The following ANKS1B variants were observed in gnomAD, a reference collection of about 807,000 sequenced individuals.
ANKS1B encodes the protein ankyrin repeat and sterile alpha motif domain containing 1B.
Under a neutral mutation model 148.3 loss-of-function variants are expected in ANKS1B, and 36 were observed. The observed-to-expected ratio is 0.24, with a 90% CI of 0.19 to 0.32. The LOEUF (loss-of-function observed/expected upper bound fraction) is 0.32, where lower values mean the gene tolerates loss of function less well. Ranked by LOEUF, ANKS1B falls within the 10% of genes least tolerant of loss-of-function variation. ANKS1B has a pLI of 1.00. For missense variants in ANKS1B, 1,157 were observed against 1,542.6 expected, an observed-to-expected ratio of 0.75 and a Z score of 4.19; for synonymous variants, 542 against 560.8, an observed-to-expected ratio of 0.97 and a Z score of 0.47.
At chr12:99,581,444 A>G (rs1277298758) in intron 9 of ANKS1B, among the ~76,000 whole-genome samples, 1 of 152,214 alleles carries the variant, frequency 6.6e-6, no homozygotes, top group South Asian at 2.1e-4. Context: ...CCTAAACTAA[A>G]ATTTCTAAAG....
chr12:98,979,753 G>A (rs1197559204), intron 17 of ANKS1B, among the ~76,000 whole-genome samples: 9 of 151,810 alleles, frequency 5.9e-5, no homozygotes, highest in African/African-American at 1.2e-4. Flanking sequence ...GTGTGCGTGC[G>A]CTTATCTTGC....
chr12:99,978,436 T>C lies in ANKS1B; in HGVS notation c.134+5668A>G, dbSNP rs1213785522. On this transcript the variant is annotated intron_variant, in intron 1 of 26. Coordinates refer to ENST00000683438, the MANE Select transcript of ANKS1B (RefSeq NM_001352186.2). ...ACTCCCCATCATGCAGCTGGCACTG[T>C]TCACTCTGGCAGATACAGCTCCCTG... is the stretch of plus-strand genomic sequence containing the variant. 2.0e-5 allele frequency among the ~76,000 whole-genome samples: 3 copies of C among 152,322 alleles called. No homozygotes were observed. The East Asian group carries it at 5.8e-4, about 29-fold the overall frequency.
intron 12 of ANKS1B, among the ~76,000 whole-genome samples, chr12:99,303,670 G>C (rs1028233725): frequency 1.2e-4 from 19 of 152,026 alleles, no homozygotes; most frequent in African/African-American, 3.9e-4. Context: ...GGAACAGGTG[G>C]TGTTTGGTTA....
intron 1 of ANKS1B, among the ~76,000 whole-genome samples, chr12:99,853,611 C>T (rs566692530): frequency 5.3e-5 from 8 of 152,284 alleles, no homozygotes; most frequent in African/African-American, 1.9e-4. Flanking sequence ...CAGATCCTCC[C>T]TCTGACGTAG....
chr12:99,785,204 T>C (rs534563471), intron 4 of ANKS1B, among the ~76,000 whole-genome samples: 1 of 151,934 alleles, frequency 6.6e-6, no homozygotes, highest in South Asian at 2.1e-4. Context: ...TCTCTTTTTT[T>C]TTTTTTTCAT....
intron 2 of ANKS1B, 57 bp from the exon 3 acceptor site, chr12:99,812,368 A>T: frequency 6.6e-7 from 1 of 1,525,864 alleles, no homozygotes; most frequent in Non-Finnish European, 8.9e-7. Flanking sequence ...ACTGTATTAA[A>T]TAGGTAATTT....
intron 10 of ANKS1B, among the ~76,000 whole-genome samples, chr12:99,449,024 GTTCT>G (rs2095683823): frequency 6.6e-6 from 1 of 151,286 alleles, no homozygotes; most frequent in African/African-American, 2.4e-5. Context: ...TAGTTTATTG[GTTCT>G]TTCTTCAGCT....
intron 15 of ANKS1B, among the ~76,000 whole-genome samples, chr12:99,145,597 G>C (rs1295878824): frequency 6.6e-6 from 1 of 152,084 alleles, no homozygotes; most frequent in Non-Finnish European, 1.5e-5. Context: ...ACATCCTCTT[G>C]ACAAGCAGAG....
intron 1 of ANKS1B, among the ~76,000 whole-genome samples, chr12:99,835,213 A>G (rs2084641367): frequency 6.7e-6 from 1 of 149,792 alleles, no homozygotes; most frequent in Non-Finnish European, 1.5e-5. Flanking sequence ...GGAGTTTGAG[A>G]TCAGCCTGGG....
intron 1 of ANKS1B, among the ~76,000 whole-genome samples, chr12:99,920,636 A>G (rs2094323178): frequency 6.6e-6 from 1 of 152,242 alleles, no homozygotes. Context: ...GGTACCCAGG[A>G]AAGCCGGTGG....
intron 10 of ANKS1B, among the ~76,000 whole-genome samples, chr12:99,472,881 G>A (rs1481927371): frequency 6.6e-6 from 1 of 152,018 alleles, no homozygotes; most frequent in East Asian, 1.9e-4. Context: ...TATACCAAAT[G>A]TTATAAAGCT....
chr12:99,766,002 G>A (rs2062609508), intron 8 of ANKS1B, among the ~76,000 whole-genome samples: 1 of 152,144 alleles, frequency 6.6e-6, no homozygotes, highest in Admixed American at 6.5e-5. Flanking sequence ...GCTAGACTAA[G>A]TTATCTCCCT....
intron 10 of ANKS1B, among the ~76,000 whole-genome samples, chr12:99,455,558 C>T (rs910300661): frequency 2.6e-5 from 4 of 152,154 alleles, no homozygotes; most frequent in South Asian, 2.1e-4. Context: ...TGGAAATAAA[C>T]GGTGCTGTTG....
At chr12:98,931,131 AC>A (rs1389654062) in intron 17 of ANKS1B, among the ~76,000 whole-genome samples, 2 of 152,142 alleles carry the variant, frequency 1.3e-5, no homozygotes, top group African/African-American at 4.8e-5. Flanking sequence ...AGTGAAATCA[AC>A]CTGATTCTGT....
At chr12:99,085,583 A>G (rs1035889921) in intron 15 of ANKS1B, among the ~76,000 whole-genome samples, 3 of 152,160 alleles carry the variant, frequency 2.0e-5, no homozygotes, top group Non-Finnish European at 4.4e-5. Flanking sequence ...CAAAATATTG[A>G]GTCACAATAG....
chr12:98,829,338 G>A lies in ANKS1B; in HGVS notation c.2902C>T (p.His968Tyr). Residue 968 changes from histidine (H) to tyrosine (Y), a missense_variant, in exon 19 of 27, where the codon CAC (histidine) becomes TAC (tyrosine). This residue lies in a region of ANKS1B where 258 missense variants were observed against 497.0 expected (regional missense o/e 0.52). Transcript: ENST00000683438. This position sits in a 1 kb window ranked among gnomAD's most constrained non-coding sequence, Gnocchi z 5.2. ...GATGGAGACAACTGAGGAGGAGTGT[G>A]ATTACCACTGGGTTCCTGAATGGAA... The part of the protein sequence containing the change: ...SITLREPSGN[H>Y]TPPQLSPSLS... 6.2e-7 allele frequency: 1 copy of A among 1,613,742 alleles called. No homozygotes were observed. Among genetic ancestry groups the A allele is most frequent in the Non-Finnish European group, 8.5e-7 (1 of 1,179,780 alleles).
intron 17 of ANKS1B, among the ~76,000 whole-genome samples, chr12:98,845,927 CTTTT>C (rs889565826): frequency 8.0e-5 from 12 of 149,540 alleles, no homozygotes; most frequent in Non-Finnish European, 1.5e-4. Context: ...TAAAAAGATA[CTTTT>C]TTTTCTGTTG....
In ANKS1B at chr12:99,045,500, C is replaced by T. The variant is rs182743295; in HGVS notation, c.2778+7657G>A. Among the ~76,000 whole-genome samples the T allele has an allele frequency of 2.8e-3, 428 of 152,282 alleles. 2 individuals are homozygous for T. Among genetic ancestry groups the T allele is most frequent in the African/African-American group, 9.8e-3 (407 of 41,552 alleles). On this transcript the variant is annotated intron_variant, in intron 17 of 26. Coordinates refer to ENST00000683438, the MANE Select transcript of ANKS1B (RefSeq NM_001352186.2). ...GCAGTAGTTTGCAAAACAGGCTGCA[C>T]ATGAAAATCACTTGAGGAGCTTTTA...
chr12:99,513,061 A>G (rs1003002552), intron 9 of ANKS1B, among the ~76,000 whole-genome samples: 3 of 151,948 alleles, frequency 2.0e-5, no homozygotes, highest in Non-Finnish European at 4.4e-5. Flanking sequence ...GTTGAAAGAA[A>G]AAAAAAAAAC....
Sources: allele counts gnomAD v4.1 joint callset (sites outside exome capture counted in the v4.1 genomes callset), GRCh38; gene constraint gnomAD v4.1.1; regional missense constraint gnomAD v4.1.1; non-coding constraint Gnocchi (gnomAD v3.1); transcripts MANE v1.5; gene names NCBI Gene and HGNC (gene_info 2026-07-23, HGNC 2026-07-21).